KCNIP1: variants seen among roughly 807,000 people sequenced by gnomAD.
The protein encoded by KCNIP1 is A-type potassium channel modulatory protein KCNIP1.
Under a neutral mutation model 33.0 loss-of-function variants are expected in KCNIP1, and 18 were observed. The ratio of observed to expected loss-of-function variants is 0.55; its 90% CI spans 0.38 to 0.81. The LOEUF (loss-of-function observed/expected upper bound fraction) is 0.81, where lower values mean the gene tolerates loss of function less well. Among genes scored for constraint, KCNIP1 ranks in the 30% least tolerant of loss-of-function variants. The pLI is 0.00. For synonymous variants in KCNIP1, 93 were observed against 98.3 expected, an observed-to-expected ratio of 0.95 and a Z score of 0.32; for missense variants, 238 against 271.6, an observed-to-expected ratio of 0.88 and a Z score of 0.87.
intron 1 of KCNIP1, among the ~76,000 whole-genome samples, chr5:170,524,930 G>A (rs1350288906): frequency 6.6e-6 from 1 of 152,198 alleles, no homozygotes; most frequent in Non-Finnish European, 1.5e-5. Context: ...CCCTGACTCT[G>A]AGAAGTGGGT....
At chr5:170,424,677 C>G (rs1264223768) in intron 1 of KCNIP1, among the ~76,000 whole-genome samples, 2 of 152,176 alleles carry the variant, frequency 1.3e-5, no homozygotes, top group African/African-American at 4.8e-5. Flanking sequence ...CCTGACTCCC[C>G]TGCCTCCATT....
intron 1 of KCNIP1, among the ~76,000 whole-genome samples, chr5:170,541,633 A>C (rs1440335379): frequency 1.3e-5 from 2 of 152,194 alleles, no homozygotes; most frequent in Admixed American, 6.5e-5. Flanking sequence ...ACCACAAAGC[A>C]AACTCCCACC....
At chr5:170,467,961 G>A (rs1756645019) in intron 1 of KCNIP1, among the ~76,000 whole-genome samples, 1 of 148,568 alleles carries the variant, frequency 6.7e-6, no homozygotes, top group African/African-American at 2.5e-5. Flanking sequence ...ATAGAAGTAT[G>A]GAATAGAACT....
intron 1 of KCNIP1, among the ~76,000 whole-genome samples, chr5:170,400,190 G>A (rs767865475): frequency 9.2e-5 from 14 of 151,994 alleles, no homozygotes; most frequent in African/African-American, 1.5e-4. Flanking sequence ...GCATTAGTCC[G>A]TTTTCACACT....
chr5:170,567,898 G>T (rs1402455789), intron 1 of KCNIP1, among the ~76,000 whole-genome samples: 3 of 152,210 alleles, frequency 2.0e-5, no homozygotes, highest in Non-Finnish European at 2.9e-5. Flanking sequence ...TTAAAGAGCT[G>T]CCCTGGGCCC....
Position 170,426,125 on chromosome 5 carries a change from C to T in KCNIP1, c.88+72161C>T, listed in dbSNP as rs968386055. On this transcript the variant is annotated intron_variant, in intron 1 of 7. Transcript: ENST00000377360. ...GGTTCCTTGCAGTAAGTCCCTTCTT[C>T]CTCGAACCACTGACTGATGCAGAGC... 2.0e-5 allele frequency among the ~76,000 whole-genome samples: 3 copies of T among 152,148 alleles called. No homozygotes were observed. In the South Asian group the frequency reaches 6.2e-4, roughly 32 times the overall value.
intron 1 of KCNIP1, among the ~76,000 whole-genome samples, chr5:170,712,590 C>T (rs1205935903): frequency 2.0e-5 from 3 of 152,234 alleles, no homozygotes; most frequent in African/African-American, 7.2e-5. Flanking sequence ...TCTCTGCAGG[C>T]TGCATGACTG....
chr5:170,681,774 C>A (rs566725271), intron 1 of KCNIP1, among the ~76,000 whole-genome samples: 18 of 152,162 alleles, frequency 1.2e-4, no homozygotes, highest in African/African-American at 4.3e-4. Flanking sequence ...CAGGTTAACC[C>A]GATTGTTTAG....
chr5:170,375,191 T>C (rs1763955923), intron 1 of KCNIP1: 1 of 152,248 alleles, frequency 6.6e-6, no homozygotes, highest in African/African-American at 2.4e-5. Context: ...GTGCCCCCTC[T>C]ACCTAATGTC....
upstream of KCNIP1, chr5:170,503,989 C>T (rs924872557): frequency 1.9e-4 from 182 of 944,732 alleles, 4 homozygotes; most frequent in East Asian, 0.014. Flanking sequence ...TGCCCGCCCG[C>T]CGCCCCCTCC....
intron 1 of KCNIP1, among the ~76,000 whole-genome samples, chr5:170,441,863 A>G (rs1166685528): frequency 6.6e-6 from 1 of 150,466 alleles, no homozygotes; most frequent in Non-Finnish European, 1.5e-5. Context: ...GAGGCAGGAG[A>G]ATGGCGTGAA....
chr5:170,529,574 G>T (rs1266283128), intron 1 of KCNIP1, among the ~76,000 whole-genome samples: 1 of 152,166 alleles, frequency 6.6e-6, no homozygotes, highest in Non-Finnish European at 1.5e-5. Context: ...TCACACTGAG[G>T]CACCACTTGC....
At chr5:170,567,506 CAA>C (rs1414276983) in intron 1 of KCNIP1, among the ~76,000 whole-genome samples, 1 of 152,126 alleles carries the variant, frequency 6.6e-6, no homozygotes, top group Admixed American at 6.6e-5. Context: ...GGAGATCAGG[CAA>C]AGAGAAGTCC....
chr5:170,467,114 A>C (rs1228767610), intron 1 of KCNIP1, among the ~76,000 whole-genome samples: 1 of 152,218 alleles, frequency 6.6e-6, no homozygotes, highest in East Asian at 1.9e-4. Flanking sequence ...AAGCACAGTC[A>C]GATGGAATGT....
chr5:170,574,350 A>G (rs1199811407), intron 1 of KCNIP1, among the ~76,000 whole-genome samples: 1 of 152,272 alleles, frequency 6.6e-6, no homozygotes, highest in Non-Finnish European at 1.5e-5. Context: ...TAAAATAAAT[A>G]TGAGCTATAC....
At chr5:170,687,143 A>G (rs1762563059) in intron 1 of KCNIP1, among the ~76,000 whole-genome samples, 1 of 151,972 alleles carries the variant, frequency 6.6e-6, no homozygotes, top group African/African-American at 2.4e-5. Flanking sequence ...CTCCTTAGGC[A>G]ATCATTTTGT....
intron 1 of KCNIP1, chr5:170,678,345 G>T (rs1288971509): frequency 1.3e-5 from 2 of 152,200 alleles, no homozygotes; most frequent in South Asian, 4.1e-4. Context: ...ATAAGAAGTG[G>T]CACCTCACCA....
intron 1 of KCNIP1, among the ~76,000 whole-genome samples, chr5:170,362,853 G>GCTTACTGCTCGGTGTCT (rs1763550526): frequency 6.6e-6 from 1 of 152,210 alleles, no homozygotes; most frequent in South Asian, 2.1e-4. Flanking sequence ...GCCGAGCCCA[G>GCTTACTGCTCGGTGTCT]GCTTACTGCT....
chr5:170,372,984 C>G (rs1649620361), intron 1 of KCNIP1, among the ~76,000 whole-genome samples: 1 of 152,184 alleles, frequency 6.6e-6, no homozygotes, highest in African/African-American at 2.4e-5. Context: ...GGGGGAGATG[C>G]AGCTGGCCTG....
Sources: gnomAD v4.1 joint callset for allele counts (sites outside exome capture counted in the v4.1 genomes callset) on GRCh38, gnomAD v4.1.1 for gene constraint, MANE v1.5 for transcripts, NCBI Gene and HGNC (gene_info 2026-07-23, HGNC 2026-07-21) for gene names.